Variants in LTB4R2 observed in about 807,000 individuals in gnomAD.
LTB4R2 encodes the protein leukotriene B4 receptor 2.
LTB4R2 carries 6 observed loss-of-function variants against 5.3 expected under a neutral mutation model. The ratio of observed to expected loss-of-function variants is 1.14; its 90% CI spans 0.62 to 2.24. LTB4R2 has a LOEUF of 2.24. Ranked by LOEUF, LTB4R2 falls within the 30% of genes most tolerant of loss-of-function variation. The pLI is 0.00. For missense variants in LTB4R2, 560 were observed against 521.5 expected (o/e 1.07, Z -0.72); for synonymous variants, 310 against 264.2 (o/e 1.17, Z -1.68).
At position 24,311,016 on chromosome 14, in the gene LTB4R2, C is replaced by A; in HGVS notation, c.352C>A (p.Gln118Lys). The A allele has an allele frequency of 1.3e-6, 2 of 1,585,308 alleles. No individual in the cohort carries two copies. The highest frequency in any genetic ancestry group is 1.7e-6 in the Non-Finnish European group (2 of 1,174,730). The change falls in exon 2 of 2, where the codon CAG (glutamine) becomes AAG (lysine). Residue 118 changes from glutamine (Q) to lysine (K), a missense_variant. By Grantham distance (53) the Gln-to-Lys change is moderately conservative. Transcript: ENST00000533293. ...SVLLTGLLSL[Q>K]RCLAVTRPFL... ...GCTGCTCACCGGCCTGCTCAGCCTG[C>A]AGCGCTGCCTCGCAGTCACCCGCCC...
In LTB4R2 at chr14:24,311,751, C is replaced by T. The variant is rs1180915875; in HGVS notation, c.*10C>T. 1 of 1,548,638 alleles carries T rather than the reference C, an allele frequency of 6.5e-7. No homozygotes were observed. The highest frequency in any genetic ancestry group is 1.4e-5 in the African/African-American group (1 of 73,046). On this transcript the variant is annotated 3_prime_UTR_variant, in exon 2 of 2. Coordinates refer to ENST00000533293, the MANE Select transcript of LTB4R2 (RefSeq NM_019839.5). The stretch of plus-strand genomic sequence containing the variant: ...GGAATGGGACCTTTGACAGCAGACC[C>T]TACAACCTGCTGCCCTTCCCTGTCC...
Position 24,311,596 on chromosome 14 carries a change from C to T in LTB4R2, c.932C>T (p.Ser311Phe), listed in dbSNP as rs2041707695. 1.2e-6 allele frequency: 2 copies of T among 1,612,320 alleles called. No homozygotes were observed. The highest frequency in any genetic ancestry group is 1.1e-5 in the South Asian group (1 of 91,088). Residue 311 changes from serine to phenylalanine, a missense_variant, in exon 2 of 2, where the codon TCT becomes TTT. By Grantham distance (155) the Ser-to-Phe change is radical. Coordinates refer to ENST00000533293, the MANE Select transcript of LTB4R2 (RefSeq NM_019839.5). The part of the protein sequence containing the change: ...PRFLTRLFEG[S>F]GEARGGGRSR... ...TTCCTCACGCGGCTCTTCGAAGGCTCTGGGGAGGCCCGAGGGGGCGGCCGC... is the reference window on the plus strand; with the variant it reads ...TTCCTCACGCGGCTCTTCGAAGGCTTTGGGGAGGCCCGAGGGGGCGGCCGC...
chr14:24,311,683 G>T lies in LTB4R2; in HGVS notation c.1019G>T (p.Arg340Leu). The T allele has an allele frequency of 1.2e-6, 2 of 1,609,652 alleles. No homozygotes were observed. The highest frequency in any genetic ancestry group is 1.7e-6 in the Non-Finnish European group (2 of 1,177,268). Residue 340 changes from arginine to leucine, a missense_variant, in exon 2 of 2, where the codon CGC (arginine) becomes CTC (leucine). Transcript: ENST00000533293. ...CAGCTGAAAGTGGTGGGGCAGGGCCGCGGCAATGGAGACCCGGGGGGTGGG... is the reference window on the plus strand; with the variant it reads ...CAGCTGAAAGTGGTGGGGCAGGGCCTCGGCAATGGAGACCCGGGGGGTGGG... ...TPQLKVVGQG[R>L]GNGDPGGGME...
rs1459103925 is a variant in LTB4R2 at position 24,310,646 on chromosome 14, C to T, written c.-10-9C>T. On this transcript the variant is annotated splice_polypyrimidine_tract_variant and intron_variant, in intron 1 of 1. Coordinates refer to ENST00000533293, the MANE Select transcript of LTB4R2 (RefSeq NM_019839.5). ...AACGCCCTCTGTGGCGCCTTCCACC[C>T]ACCTGTAGGCCCAGAAGGATGTCGG... 1.2e-6 allele frequency: 2 copies of T among 1,613,758 alleles called. No homozygotes were observed. The highest frequency in any genetic ancestry group is 2.2e-5 in the East Asian group (1 of 44,876).
rs781566886 is a variant in LTB4R2, at chr14:24,310,649, C to G, written c.-10-6C>G. On this transcript the variant is annotated splice_region_variant and splice_polypyrimidine_tract_variant and intron_variant, in intron 1 of 1. Transcript: ENST00000533293. The stretch of plus-strand genomic sequence containing the variant: ...GCCCTCTGTGGCGCCTTCCACCCAC[C>G]TGTAGGCCCAGAAGGATGTCGGTCT... 5.0e-6 allele frequency: 8 copies of G among 1,613,992 alleles called. No homozygotes were observed. Among genetic ancestry groups the G allele is most frequent in the Middle Eastern group, 1.7e-4 (1 of 6,056 alleles).
rs201642570 is a variant in LTB4R2 at position 24,311,021 on chromosome 14, C to T, written c.357C>T (p.Arg119=). Residue 119 remains arginine (R), a synonymous_variant, in exon 2 of 2, where the codon CGC becomes CGT. Coordinates refer to ENST00000533293, the MANE Select transcript of LTB4R2 (RefSeq NM_019839.5). ...VLLTGLLSLQ[R]CLAVTRPFLA... is the part of the protein sequence containing the mutation. Reference sequence around the variant, plus strand: ...TCACCGGCCTGCTCAGCCTGCAGCGCTGCCTCGCAGTCACCCGCCCCTTCC... The same window carrying T: ...TCACCGGCCTGCTCAGCCTGCAGCGTTGCCTCGCAGTCACCCGCCCCTTCC... 366 of 1,584,594 alleles carry T rather than the reference C, an allele frequency of 2.3e-4. No homozygotes were observed. The highest frequency in any genetic ancestry group is 3.0e-4 in the Non-Finnish European group (349 of 1,174,424).
chr14:24,310,776 A>T lies in LTB4R2; in HGVS notation c.112A>T (p.Asn38Tyr), dbSNP rs1229615014. ...LLAALLGLPGNGFVVWSLAGW... is the reference protein window; with the variant it reads ...LLAALLGLPGYGFVVWSLAGW... ...GGCGGCGCTGCTGGGGCTGCCTGGCAACGGCTTCGTGGTGTGGAGCTTGGC... is the reference window on the plus strand; with the variant it reads ...GGCGGCGCTGCTGGGGCTGCCTGGCTACGGCTTCGTGGTGTGGAGCTTGGC... Residue 38 changes from asparagine to tyrosine, a missense_variant, in exon 2 of 2, where the codon AAC becomes TAC. Physicochemically the swap from Asn to Tyr is moderately radical, Grantham distance 143. Coordinates refer to ENST00000533293, the MANE Select transcript of LTB4R2 (RefSeq NM_019839.5). 1 of 1,606,840 alleles carries T rather than the reference A, an allele frequency of 6.2e-7. No homozygotes were observed. Among genetic ancestry groups the T allele is most frequent in the Non-Finnish European group, 8.5e-7 (1 of 1,179,088 alleles).
rs1566422837 is a variant in LTB4R2, at chr14:24,311,055, C to T, written c.391C>T (p.Arg131Trp). ...LAVTRPFLAP[R>W]LRSPALARRL... ...AGTCACCCGCCCCTTCCTGGCGCCT[C>T]GGCTGCGCAGCCCGGCCCTGGCCCG... The change falls in exon 2 of 2, where the codon CGG (arginine) becomes TGG (tryptophan). Residue 131 changes from arginine (R) to tryptophan (W), a missense_variant. Coordinates refer to ENST00000533293, the MANE Select transcript of LTB4R2 (RefSeq NM_019839.5). The T allele has an allele frequency of 1.3e-6, 2 of 1,571,628 alleles. No individual in the cohort carries two copies. The highest frequency in any genetic ancestry group is 1.7e-6 in the Non-Finnish European group (2 of 1,168,330).
chr14:24,310,957 A>G lies in LTB4R2; in HGVS notation c.293A>G (p.Tyr98Cys), dbSNP rs750578056. 19 of 1,591,952 alleles carry G rather than the reference A, an allele frequency of 1.2e-5. No individual in the cohort carries two copies. The Admixed American group carries it at 2.0e-4, about 17-fold the overall frequency. Residue 98 changes from tyrosine (Y) to cysteine (C), a missense_variant, in exon 2 of 2, where the codon TAC becomes TGC. Transcript: ENST00000533293. The stretch of plus-strand genomic sequence containing the variant: ...GGCCAGGCGGGCTGCAAGGCGGTGT[A>G]CTACGTGTGCGCGCTCAGCATGTAC... Reference protein sequence around the residue: ...PLGQAGCKAVYYVCALSMYAS... With the variant: ...PLGQAGCKAVCYVCALSMYAS...
rs1422745696 is a variant in LTB4R2 at position 24,311,711 on chromosome 14, G to A, written c.1047G>A (p.Met349Ile). 1 of 1,601,852 alleles carries A rather than the reference G, an allele frequency of 6.2e-7. No homozygotes were observed. The highest frequency in any genetic ancestry group is 1.1e-5 in the South Asian group (1 of 90,256). ...GRGNGDPGGG[M>I]EKDGPEWDL Reference sequence around the variant, plus strand: ...GCAATGGAGACCCGGGGGGTGGGATGGAGAAGGACGGTCCGGAATGGGACC... The same window carrying A: ...GCAATGGAGACCCGGGGGGTGGGATAGAGAAGGACGGTCCGGAATGGGACC... Residue 349 changes from methionine to isoleucine, a missense_variant, in exon 2 of 2, where the codon ATG becomes ATA. Physicochemically the swap from Met to Ile is conservative, Grantham distance 10. Coordinates refer to ENST00000533293, the MANE Select transcript of LTB4R2 (RefSeq NM_019839.5).
Position 24,311,750 on chromosome 14 carries a change from C to A in LTB4R2, c.*9C>A. 6.4e-7 allele frequency: 1 copy of A among 1,551,286 alleles called. No homozygotes were observed. The highest frequency in any genetic ancestry group is 8.7e-7 in the Non-Finnish European group (1 of 1,145,000). On this transcript the variant is annotated 3_prime_UTR_variant, in exon 2 of 2. Transcript: ENST00000533293. ...CGGAATGGGACCTTTGACAGCAGAC[C>A]CTACAACCTGCTGCCCTTCCCTGTC...
At position 24,311,880 on chromosome 14, in the gene LTB4R2, TG is replaced by T; in HGVS notation, c.*143del. 1.3e-6 allele frequency: 1 copy of T among 788,000 alleles called. No individual in the cohort carries two copies. Among genetic ancestry groups the T allele is most frequent in the South Asian group, 2.0e-5 (1 of 50,754 alleles). The allele number at this position is 788,000 out of a possible 1,614,324, so 48.8% of individuals were successfully genotyped here. Reference sequence around the variant, plus strand: ...TGGCTGGGTAGGATTACTATACACTTGGGGCAGGCCCAGGCTCCTCCAAACT... The same window carrying T: ...TGGCTGGGTAGGATTACTATACACTTGGGCAGGCCCAGGCTCCTCCAAACT... On this transcript the variant is annotated 3_prime_UTR_variant, in exon 2 of 2. Coordinates refer to ENST00000533293, the MANE Select transcript of LTB4R2 (RefSeq NM_019839.5).
Position 24,311,496 on chromosome 14 carries a change from T to G in LTB4R2, c.832T>G (p.Phe278Val), listed in dbSNP as rs200809795. The G allele has an allele frequency of 3.4e-4, 550 of 1,602,002 alleles. 3 individuals are homozygous for G. The highest frequency in any genetic ancestry group is 4.0e-5 in the Non-Finnish European group (47 of 1,179,968). Reference sequence around the variant, plus strand: ...GCGAGCGGGAACTACGGCCTTGGCCTTCTTCAGTTCTAGCGTCAACCCGGT... The same window carrying G: ...GCGAGCGGGAACTACGGCCTTGGCCGTCTTCAGTTCTAGCGTCAACCCGGT... ...AARAGTTALA[F>V]FSSSVNPVLY... Residue 278 changes from phenylalanine to valine, a missense_variant, in exon 2 of 2, where the codon TTC becomes GTC. By Grantham distance (50) the Phe-to-Val change is conservative (BLOSUM62 -1). Transcript: ENST00000533293.
Position 24,311,526 on chromosome 14 carries a change from T to C in LTB4R2, c.862T>C (p.Tyr288His), listed in dbSNP as rs2041705683. Residue 288 changes from tyrosine to histidine, a missense_variant, in exon 2 of 2, where the codon TAC becomes CAC. Coordinates refer to ENST00000533293, the MANE Select transcript of LTB4R2 (RefSeq NM_019839.5). ...FFSSSVNPVL[Y>H]VFTAGDLLPR... ...CAGTTCTAGCGTCAACCCGGTGCTC[T>C]ACGTCTTCACCGCTGGAGATCTGCT... 4 of 1,604,318 alleles carry C rather than the reference T, an allele frequency of 2.5e-6. No individual in the cohort carries two copies. The highest frequency in any genetic ancestry group is 1.7e-5 in the Admixed American group (1 of 60,030).
Position 24,310,854 on chromosome 14 carries a change from C to T in LTB4R2, c.190C>T (p.Leu64=). 1.3e-6 allele frequency: 2 copies of T among 1,592,374 alleles called. No individual in the cohort carries two copies. The highest frequency in any genetic ancestry group is 1.7e-6 in the Non-Finnish European group (2 of 1,175,420). Residue 64 remains leucine (L), a synonymous_variant, in exon 2 of 2, where the codon CTG becomes TTG. Transcript: ENST00000533293. ...RPLAATLVLH[L]ALADGAVLLL... ...GCTGGCGGCCACGCTTGTGCTGCAC[C>T]TGGCGCTGGCCGACGGCGCGGTGCT...
chr14:24,311,490 T>C lies in LTB4R2; in HGVS notation c.826T>C (p.Leu276=). The change falls in exon 2 of 2, where the codon TTG becomes CTG. Residue 276 remains leucine (L), a synonymous_variant. Transcript: ENST00000533293. ...GGCGGCGCGAGCGGGAACTACGGCCTTGGCCTTCTTCAGTTCTAGCGTCAA... is the reference window on the plus strand; with the variant it reads ...GGCGGCGCGAGCGGGAACTACGGCCCTGGCCTTCTTCAGTTCTAGCGTCAA... ...GQAARAGTTA[L]AFFSSSVNPV... The C allele has an allele frequency of 6.2e-7, 1 of 1,601,774 alleles. No individual in the cohort carries two copies. The highest frequency in any genetic ancestry group is 2.2e-5 in the East Asian group (1 of 44,888).
Position 24,311,737 on chromosome 14 carries a change from T to C in LTB4R2, c.1073T>C (p.Leu358Pro). 1 of 1,574,824 alleles carries C rather than the reference T, an allele frequency of 6.3e-7. No individual in the cohort carries two copies. The change falls in exon 2 of 2, where the codon CTT becomes CCT. Residue 358 changes from leucine to proline, a missense_variant. Coordinates refer to ENST00000533293, the MANE Select transcript of LTB4R2 (RefSeq NM_019839.5). ...GAGAAGGACGGTCCGGAATGGGACC[T>C]TTGACAGCAGACCCTACAACCTGCT... ...GMEKDGPEWD[L>P]
chr14:24,310,670 G>A lies in LTB4R2; in HGVS notation c.6G>A (p.Ser2=). 2 of 1,614,072 alleles carry A rather than the reference G, an allele frequency of 1.2e-6. No homozygotes were observed. The highest frequency in any genetic ancestry group is 1.7e-5 in the Admixed American group (1 of 60,030). Residue 2 remains serine (S), a synonymous_variant, in exon 2 of 2, where the codon TCG becomes TCA. Transcript: ENST00000533293. The part of the protein sequence containing the change: M[S]VCYRPPGNET... ...CCACCTGTAGGCCCAGAAGGATGTC[G>A]GTCTGCTACCGTCCCCCAGGGAACG... is the stretch of plus-strand genomic sequence containing the variant.
Position 24,311,189 on chromosome 14 carries a change from G to A in LTB4R2, c.525G>A (p.Pro175=). The A allele has an allele frequency of 6.2e-7, 1 of 1,607,862 alleles. No homozygotes were observed. The highest frequency in any genetic ancestry group is 8.5e-7 in the Non-Finnish European group (1 of 1,177,878). Residue 175 remains proline, a synonymous_variant, in exon 2 of 2, where the codon CCG becomes CCA. Coordinates refer to ENST00000533293, the MANE Select transcript of LTB4R2 (RefSeq NM_019839.5). ...DRVCQLCHPS[P]VHAAAHLSLE... is the part of the protein sequence containing the mutation. The stretch of plus-strand genomic sequence containing the variant: ...TATGCCAGCTGTGCCACCCGTCGCC[G>A]GTCCACGCCGCCGCCCACCTGAGCC...
Sources: allele counts gnomAD v4.1 joint callset, GRCh38; gene constraint gnomAD v4.1.1; transcripts MANE v1.5; gene names NCBI Gene and HGNC (gene_info 2026-07-23, HGNC 2026-07-21).